Variants in KLRG1 observed in about 807,000 individuals in gnomAD.
KLRG1 encodes the protein killer cell lectin like receptor G1, also known as killer cell lectin-like receptor subfamily G member 1.
In KLRG1, 16 loss-of-function variants were observed where a neutral mutation model predicts 21.8. The ratio of observed to expected loss-of-function variants is 0.73; its 90% confidence interval spans 0.50 to 1.11. KLRG1 has a LOEUF of 1.11. KLRG1 is among the 50% of genes most tolerant of loss of function. The pLI is 0.00. For missense variants in KLRG1, 173 were observed against 218.3 expected, an observed-to-expected ratio of 0.79 and a Z score of 1.31; for synonymous variants, 69 against 75.9, an observed-to-expected ratio of 0.91 and a Z score of 0.47.
chr12:8,969,600 A>C (rs1946535185), intron 1 of KLRG1, among the ~76,000 whole-genome samples: 1 of 152,184 alleles, frequency 6.6e-6, no homozygotes, highest in African/African-American at 2.4e-5. Context: ...AGAGGAGGAA[A>C]TTACACTTAA....
chr12:9,092,197 G>T, the KLRG1 span, among the ~76,000 whole-genome samples: 1 of 151,994 alleles, frequency 6.6e-6, no homozygotes, highest in East Asian at 1.9e-4. Flanking sequence ...CCCCTGGCTC[G>T]CCCCACGGAT....
chr12:8,963,644 G>C (rs907390518), intron 1 of KLRG1, among the ~76,000 whole-genome samples: 1 of 152,136 alleles, frequency 6.6e-6, no homozygotes. Context: ...GGTAGAATTC[G>C]GCTGTGAATC....
chr12:9,023,211 G>A, the KLRG1 span, among the ~76,000 whole-genome samples: 1 of 152,104 alleles, frequency 6.6e-6, no homozygotes, highest in Non-Finnish European at 1.5e-5. Context: ...GGGATCTGAT[G>A]GTATCTCCAG....
chr12:9,164,705 G>C, the KLRG1 span, among the ~76,000 whole-genome samples: 1 of 152,194 alleles, frequency 6.6e-6, no homozygotes, highest in African/African-American at 2.4e-5. Flanking sequence ...TCACAAGAAA[G>C]ATGATCTATA....
chr12:9,072,178 A>G, the KLRG1 span, among the ~76,000 whole-genome samples: 9 of 152,254 alleles, frequency 5.9e-5, no homozygotes, highest in African/African-American at 2.2e-4. Flanking sequence ...GCACAATAGT[A>G]GATCCTGGAT....
At chr12:9,127,868 CG>C in the KLRG1 span, 1 of 262,218 alleles carries the variant, frequency 3.8e-6, no homozygotes, top group Non-Finnish European at 7.7e-6. Flanking sequence ...CCCGGGGCCC[CG>C]GCAATTACAG....
the KLRG1 span, among the ~76,000 whole-genome samples, chr12:9,129,388 A>T: frequency 1.3e-5 from 2 of 151,996 alleles, no homozygotes; most frequent in Non-Finnish European, 1.5e-5. Context: ...AATTTTTTAA[A>T]TTTTTTCTAA....
chr12:9,093,545 C>CA, the KLRG1 span: 2 of 1,611,294 alleles, frequency 1.2e-6, no homozygotes, highest in African/African-American at 2.7e-5. Flanking sequence ...CAACATGCAC[C>CA]AGGCGTGCAT....
At chr12:8,990,687 TCA>T (rs1241289691) in intron 1 of KLRG1, among the ~76,000 whole-genome samples, 33 of 152,092 alleles carry the variant, frequency 2.2e-4, no homozygotes, top group Admixed American at 2.2e-3. Context: ...ATGTTCAAGG[TCA>T]CACACACAAC....
the KLRG1 span, chr12:9,028,904 C>T: frequency 2.0e-5 from 13 of 637,186 alleles, no homozygotes; most frequent in African/African-American, 5.4e-5. Flanking sequence ...TCCATAGTGG[C>T]ATATGTGACA....
At chr12:9,154,577 A>C in the KLRG1 span, 4 of 1,579,874 alleles carry the variant, frequency 2.5e-6, no homozygotes, top group Non-Finnish European at 2.6e-6. Context: ...CCAATTGCCA[A>C]GTGAACCTGG....
At chr12:9,010,926 G>A (rs144511531), downstream of KLRG1, among the ~76,000 whole-genome samples, 410 of 152,242 alleles carry the variant, frequency 2.7e-3, 5 homozygotes, top group Non-Finnish European at 4.2e-3. Flanking sequence ...GAAGGAAGTC[G>A]TGGAAACAAG....
the KLRG1 span, among the ~76,000 whole-genome samples, chr12:9,175,284 T>C: frequency 6.6e-6 from 1 of 152,188 alleles, no homozygotes; most frequent in Non-Finnish European, 1.5e-5. Flanking sequence ...ACTGGACCCC[T>C]TCCTTTCACC....
chr12:9,165,513 T>C, the KLRG1 span: 1 of 905,276 alleles, frequency 1.1e-6, no homozygotes, highest in African/African-American at 1.7e-5. Context: ...CACTAGATTA[T>C]GTCCTGGGAT....
the KLRG1 span, chr12:9,028,739 G>T: frequency 2.9e-4 from 156 of 537,818 alleles, 1 homozygote; most frequent in South Asian, 2.2e-3. Context: ...ACCGCACCCG[G>T]CCTCAGTGTC....
chr12:9,021,144 A>G, the KLRG1 span, among the ~76,000 whole-genome samples: 16 of 152,220 alleles, frequency 1.1e-4, no homozygotes. Context: ...TGGAGCTTGC[A>G]GATTACAGTA....
chr12:9,067,406 T>C, the KLRG1 span: 4 of 283,292 alleles, frequency 1.4e-5, no homozygotes, highest in Non-Finnish European at 2.0e-5. Context: ...TTCATTTTAA[T>C]GTAAAAAGTC....
the KLRG1 span, chr12:9,135,206 G>T: frequency 4.1e-6 from 1 of 240,984 alleles, no homozygotes; most frequent in Non-Finnish European, 8.6e-6. Context: ...TGCAGGAACT[G>T]CTGACAGAAC....
the KLRG1 span, among the ~76,000 whole-genome samples, chr12:9,021,459 G>C: frequency 6.9e-5 from 10 of 145,070 alleles, no homozygotes; most frequent in African/African-American, 2.0e-4. Context: ...GGAGTGCAGT[G>C]GCATGATCTC....
Sources: gnomAD v4.1 joint callset for allele counts (sites outside exome capture counted in the v4.1 genomes callset) on GRCh38, gnomAD v4.1.1 for gene constraint, MANE v1.5 for transcripts, NCBI Gene and HGNC (gene_info 2026-07-23, HGNC 2026-07-21) for gene names.